The following MVB12A variants were observed in gnomAD, a reference collection of about 807,000 sequenced individuals.
MVB12A encodes CIN85/CD2AP family binding protein.
In MVB12A, 30 loss-of-function variants were observed where a neutral mutation model predicts 34.3. The observed-to-expected ratio is 0.88, with a 90% CI of 0.65 to 1.19. The LOEUF is 1.19. Ranked by LOEUF, MVB12A falls within the 50% of genes most tolerant of loss-of-function variation. The probability of loss-of-function intolerance (pLI) is 0.00; values close to 1 mark genes in which losing one functional copy is unlikely to be tolerated. For missense variants in MVB12A, 355 were observed against 369.2 expected (o/e 0.96, Z 0.31); for synonymous variants, 158 against 158.9 (o/e 0.99, Z 0.04).
chr19:17,406,524 G>GT (rs35077774), intron 2 of MVB12A, among the ~76,000 whole-genome samples: 4,654 of 151,456 alleles, frequency 0.031, 84 homozygotes, highest in South Asian at 0.11. Flanking sequence ...CCATTTCCAT[G>GT]TTTTTTTTTC....
At position 17,420,162 on chromosome 19, in the gene MVB12A, G is replaced by A; in HGVS notation, c.27G>A (p.Ser9=). 1.4e-6 allele frequency: 2 copies of A among 1,389,452 alleles called. No individual in the cohort carries two copies. The highest frequency in any genetic ancestry group is 1.9e-6 in the Non-Finnish European group (2 of 1,077,874). 86.1% of individuals were successfully genotyped at this position (1,389,452 alleles called of 1,614,324 possible). MDPVPGTD[S]APLAGLAWSS... ...TGGATCCCGTACCCGGGACAGACTC[G>A]GCGCCGCTGGCTGGCCTGGCCTGGT... The change falls in exon 1 of 9, where the codon TCG becomes TCA. Residue 9 remains serine, a synonymous_variant. Transcript: ENST00000317040.
At chr19:17,405,907 C>T (rs2074724766) in intron 1 of MVB12A, 1 of 242,020 alleles carries the variant, frequency 4.1e-6, no homozygotes, top group Non-Finnish European at 8.2e-6. Context: ...CTAGGCCGTG[C>T]CAGCCTGTAT....
intron 2 of MVB12A, chr19:17,406,455 G>A (rs920504798): frequency 2.6e-5 from 4 of 152,200 alleles, no homozygotes; most frequent in African/African-American, 9.7e-5. Flanking sequence ...GGGACTGCAT[G>A]TTTTTCTTGT....
At chr19:17,420,470 G>T in intron 2 of MVB12A, 59 bp downstream of exon 2, 1 of 1,592,442 alleles carries the variant, frequency 6.3e-7, no homozygotes, top group Non-Finnish European at 8.6e-7. Context: ...GCCCATTCAC[G>T]GTGCCCTATG....
intron 4 of MVB12A, 67 bp downstream of exon 4, chr19:17,422,525 C>T: frequency 6.7e-7 from 1 of 1,495,450 alleles, no homozygotes; most frequent in Non-Finnish European, 9.0e-7. Context: ...ACCAATCTGA[C>T]CCTCAAGGAC....
intron 2 of MVB12A, among the ~76,000 whole-genome samples, chr19:17,412,176 T>A (rs1023663): frequency 0.038 from 5,807 of 152,280 alleles, 175 homozygotes; most frequent in African/African-American, 0.085. Context: ...GAGTGCAGGT[T>A]TGGAGTCAGA....
chr19:17,424,764 C>T (rs1463017977), intron 8 of MVB12A, 87 bp downstream of exon 8: 6 of 1,510,020 alleles, frequency 4.0e-6, no homozygotes, highest in Middle Eastern at 1.8e-4. Flanking sequence ...CCGCCCCAGG[C>T]TGTCCCAGTT....
upstream of MVB12A, chr19:17,419,966 G>A (rs2074825069): frequency 7.2e-6 from 3 of 416,552 alleles, no homozygotes; most frequent in Non-Finnish European, 1.2e-5. Flanking sequence ...CCACGCCATT[G>A]GCCAGCAGCT....
chr19:17,424,726 GCCTGA>G, intron 8 of MVB12A, 49 bp downstream of exon 8: 1 of 1,556,490 alleles, frequency 6.4e-7, no homozygotes, highest in Non-Finnish European at 8.7e-7. Flanking sequence ...GGGAGGAGGT[GCCTGA>G]GGGGCCGGCA....
At chr19:17,420,284 T>A in intron 1 of MVB12A, 29 bp from the exon 2 acceptor site, 1 of 1,553,146 alleles carries the variant, frequency 6.4e-7, no homozygotes, top group Admixed American at 2.0e-5. Flanking sequence ...GGGGTGGGAG[T>A]CCGGCGCTGA....
chr19:17,407,503 G>C (rs1599596843), intron 2 of MVB12A, among the ~76,000 whole-genome samples: 1 of 152,176 alleles, frequency 6.6e-6, no homozygotes, highest in Non-Finnish European at 1.5e-5. Flanking sequence ...GTGTCCACTG[G>C]ACAGGGGGCC....
chr19:17,416,590 G>T (rs1290352318), upstream of MVB12A, among the ~76,000 whole-genome samples: 2 of 151,520 alleles, frequency 1.3e-5, no homozygotes, highest in Non-Finnish European at 2.9e-5. Flanking sequence ...TAATTGTTTT[G>T]TATTTTTAGT....
intron 2 of MVB12A, among the ~76,000 whole-genome samples, chr19:17,408,407 G>C (rs1164656333): frequency 6.7e-6 from 1 of 148,802 alleles, no homozygotes; most frequent in Non-Finnish European, 1.5e-5. Flanking sequence ...TATATTTTAA[G>C]TACATATATT....
rs1165323926 is a variant in MVB12A at position 17,423,755 on chromosome 19, G to C, written c.596G>C (p.Arg199Thr). The stretch of plus-strand genomic sequence containing the variant: ...GGCTCTCGGGCATCCACTCTGCGGA[G>C]GAATGACTCCATCTACGAGGCCTCC... ...RLGSRASTLR[R>T]NDSIYEASSL... The change falls in exon 6 of 9, where the codon AGG (arginine) becomes ACG (threonine). Residue 199 changes from arginine (R) to threonine (T), a missense_variant. By Grantham distance (71) the Arg-to-Thr change is moderately conservative. Coordinates refer to ENST00000317040, the MANE Select transcript of MVB12A (RefSeq NM_138401.4). 3.7e-6 allele frequency: 6 copies of C among 1,614,028 alleles called. No homozygotes were observed. Among genetic ancestry groups the C allele is most frequent in the Non-Finnish European group, 4.2e-6 (5 of 1,179,942 alleles).
At chr19:17,423,191 TAAAAAAAAA>T (rs895549170) in intron 4 of MVB12A, among the ~76,000 whole-genome samples, 11 of 106,658 alleles carry the variant, frequency 1.0e-4, no homozygotes, top group African/African-American at 3.2e-4. Context: ...CGTTTCTACT[TAAAAAAAAA>T]AAAAAAAAAA....
chr19:17,420,021 C>CCCA (rs780354507), upstream of MVB12A: 420 of 439,926 alleles, frequency 9.5e-4, 6 homozygotes, highest in African/African-American at 7.5e-3. Flanking sequence ...CTCCGCCCCC[C>CCCA]CCCCCCGCAT....
chr19:17,424,585 G>A, intron 7 of MVB12A, 36 bp from the exon 8 acceptor site: 1 of 1,603,480 alleles, frequency 6.2e-7, no homozygotes, highest in Non-Finnish European at 8.5e-7. Flanking sequence ...TTCAGGTTGA[G>A]ATCGGGCCCA....
intron 6 of MVB12A, 38 bp from the exon 7 acceptor site, chr19:17,423,968 C>T: frequency 6.2e-7 from 1 of 1,610,292 alleles, no homozygotes; most frequent in South Asian, 1.1e-5. Context: ...TGGGCAGTTC[C>T]CTACACCTCA....
chr19:17,416,252 C>G (rs1442558096), upstream of MVB12A, among the ~76,000 whole-genome samples: 1 of 103,472 alleles, frequency 9.7e-6, no homozygotes, highest in Non-Finnish European at 1.8e-5. Context: ...GCTGGGATTA[C>G]AGGCGCATGC....
Sources: allele counts gnomAD v4.1 joint callset (sites outside exome capture counted in the v4.1 genomes callset), GRCh38; gene constraint gnomAD v4.1.1; transcripts MANE v1.5; gene names NCBI Gene and HGNC (gene_info 2026-07-23, HGNC 2026-07-21).